DCDC1: variants seen among roughly 807,000 people sequenced by gnomAD.
The protein encoded by DCDC1 is doublecortin domain-containing protein 1.
Under a neutral mutation model 178.3 loss-of-function variants are expected in DCDC1, and 200 were observed. That is an observed-to-expected ratio of 1.12 (90% confidence interval 1.00 to 1.26). The LOEUF (loss-of-function observed/expected upper bound fraction) is 1.26. DCDC1 is among the 50% of genes most tolerant of loss of function. The pLI, the probability that DCDC1 is intolerant of heterozygous loss-of-function variation, is 0.00. For synonymous variants in DCDC1, 690 were observed against 604.8 expected (o/e 1.14, Z -2.07); for missense variants, 1,983 against 1,749.2 (o/e 1.13, Z -2.38).
intron 20 of DCDC1, among the ~76,000 whole-genome samples, chr11:31,061,009 T>C (rs1229462117): frequency 3.3e-5 from 5 of 152,146 alleles, no homozygotes; most frequent in Admixed American, 6.6e-5. Context: ...AGCTGCTCGC[T>C]TCCCTGGGAA....
rs1186085659 is a variant in DCDC1, at chr11:31,306,369, A to G, written c.454T>C (p.Leu152=). 2 of 1,609,320 alleles carry G rather than the reference A, an allele frequency of 1.2e-6. No individual in the cohort carries two copies. Among genetic ancestry groups the G allele is most frequent in the South Asian group, 2.2e-5 (2 of 90,022 alleles). ...CAATTCCGGGCTGACTGAAATTTTAAAGAAGAGAACTCTGCAACCCTGAAG... is the reference window on the plus strand; with the variant it reads ...CAATTCCGGGCTGACTGAAATTTTAGAGAAGAGAACTCTGCAACCCTGAAG... ...GQLRVAEFSS[L]KFQSARNWQK... is the part of the protein sequence containing the mutation. Residue 152 remains leucine, a synonymous_variant, in exon 5 of 39, where the codon TTA becomes CTA. Coordinates refer to ENST00000684477, the MANE Select transcript of DCDC1 (RefSeq NM_001387274.1).
intron 4 of DCDC1, among the ~76,000 whole-genome samples, chr11:31,306,918 C>T (rs1948499830): frequency 1.3e-5 from 2 of 152,016 alleles, no homozygotes. Flanking sequence ...TCAAACTGTT[C>T]GGAAGTGGTA....
At chr11:31,108,818 C>A (rs1163951350) in intron 12 of DCDC1, among the ~76,000 whole-genome samples, 1 of 152,122 alleles carries the variant, frequency 6.6e-6, no homozygotes, top group Admixed American at 6.6e-5. Context: ...CTGTGGCAAC[C>A]AAAAATTGTG....
intron 9 of DCDC1, among the ~76,000 whole-genome samples, chr11:31,219,903 G>C (rs1474771001): frequency 2.0e-5 from 3 of 152,090 alleles, no homozygotes; most frequent in Non-Finnish European, 4.4e-5. Flanking sequence ...ACAGGGGTTA[G>C]TTAACTTGCC....
chr11:31,073,424 G>A (rs934341198), intron 18 of DCDC1, among the ~76,000 whole-genome samples: 1 of 152,186 alleles, frequency 6.6e-6, no homozygotes, highest in Non-Finnish European at 1.5e-5. Context: ...ACTTGATTCT[G>A]CTTTTCTATG....
intron 20 of DCDC1, among the ~76,000 whole-genome samples, chr11:31,040,304 C>T (rs777351030): frequency 3.9e-5 from 6 of 152,150 alleles, no homozygotes; most frequent in Non-Finnish European, 7.4e-5. Flanking sequence ...TGTTTTTGCA[C>T]AATATTTGCA....
At chr11:31,117,932 G>A (rs762546884) in intron 11 of DCDC1, among the ~76,000 whole-genome samples, 24 of 152,114 alleles carry the variant, frequency 1.6e-4, no homozygotes, top group Middle Eastern at 3.4e-3. Flanking sequence ...ATATTTAATC[G>A]GGATTAAAAT....
At position 31,127,634 on chromosome 11, in the gene DCDC1, G is replaced by T. The variant is rs867513923; in HGVS notation, c.1320C>A (p.Ser440Arg). 1 of 702,286 alleles carries T rather than the reference G, an allele frequency of 1.4e-6. No homozygotes were observed. Among genetic ancestry groups the T allele is most frequent in the Admixed American group, 2.0e-5 (1 of 49,958 alleles). The allele number at this position is 702,286 out of a possible 1,614,324, so 43.5% of individuals were successfully genotyped here. ...CTGTCTGCAATTCATCAATCAGCCTGCTCACCTGAAGGGGTTAAATTACAA... is the reference window on the plus strand; with the variant it reads ...CTGTCTGCAATTCATCAATCAGCCTTCTCACCTGAAGGGGTTAAATTACAA... ...KEHHKEQEEV[S>R]RLIDELQTAI... is the part of the protein sequence containing the mutation. Residue 440 changes from serine to arginine, a missense_variant, in exon 11 of 39, where the codon AGC becomes AGA. Ser to Arg is a moderately radical substitution (Grantham distance 110). Coordinates refer to ENST00000684477, the MANE Select transcript of DCDC1 (RefSeq NM_001387274.1).
intron 20 of DCDC1, among the ~76,000 whole-genome samples, chr11:30,972,643 C>A (rs1949867799): frequency 6.6e-6 from 1 of 151,888 alleles, no homozygotes; most frequent in African/African-American, 2.4e-5. Flanking sequence ...AGAAACAAGG[C>A]TATACCAAAA....
intron 9 of DCDC1, among the ~76,000 whole-genome samples, chr11:31,179,047 T>C (rs1392859195): frequency 2.6e-5 from 4 of 152,022 alleles, no homozygotes; most frequent in Non-Finnish European, 4.4e-5. Flanking sequence ...AAAGAGAATA[T>C]AAAAACGGCT....
intron 5 of DCDC1, 37 bp from the exon 6 acceptor site, chr11:31,305,814 T>C: frequency 1.2e-6 from 2 of 1,601,380 alleles, no homozygotes; most frequent in Non-Finnish European, 1.7e-6. Context: ...AGTGATTTAC[T>C]ACAAAGAAAG....
Position 30,916,981 on chromosome 11 carries a change from A to AGTGT in DCDC1, c.3337_3340dup (p.Leu1114HisfsTer13). On this transcript the variant is annotated frameshift_variant, in exon 26 of 39. Transcript: ENST00000684477. LOFTEE classifies it high-confidence loss of function. ...AGTTTCCTGCCAGGCATACCTGGGA[A>AGTGT]GTGTGTGACAAGCCTTCATTCGAAG... 1 of 1,609,936 alleles carries AGTGT rather than the reference A, an allele frequency of 6.2e-7. No homozygotes were observed. Among genetic ancestry groups the AGTGT allele is most frequent in the Non-Finnish European group, 8.5e-7 (1 of 1,178,230 alleles).
intron 1 of DCDC1, among the ~76,000 whole-genome samples, chr11:31,361,407 G>A (rs1316477610): frequency 1.3e-5 from 2 of 152,138 alleles, no homozygotes; most frequent in South Asian, 2.1e-4. Flanking sequence ...ATTACATGTC[G>A]ATTACCAATA....
intron 20 of DCDC1, among the ~76,000 whole-genome samples, chr11:31,055,103 A>G (rs765092974): frequency 1.3e-5 from 2 of 152,196 alleles, no homozygotes; most frequent in African/African-American, 2.4e-5. Context: ...CAAAAGATTA[A>G]TATCCAGAAT....
At chr11:30,925,199 G>T in intron 23 of DCDC1, 110 bp downstream of exon 23, 1 of 946,730 alleles carries the variant, frequency 1.1e-6, no homozygotes, top group Non-Finnish European at 1.6e-6. Flanking sequence ...AATTCTGAGA[G>T]AAAATAAGAA....
chr11:31,178,541 GC>G (rs1469930041), intron 9 of DCDC1, among the ~76,000 whole-genome samples: 1 of 152,070 alleles, frequency 6.6e-6, no homozygotes, highest in Non-Finnish European at 1.5e-5. Flanking sequence ...AAACTAAAAA[GC>G]TTTTCCACAG....
intron 20 of DCDC1, among the ~76,000 whole-genome samples, chr11:31,029,408 G>T (rs1186127002): frequency 1.3e-5 from 2 of 151,998 alleles, no homozygotes; most frequent in Non-Finnish European, 2.9e-5. Flanking sequence ...GCTCTTTAAA[G>T]AAAGGTATCT....
At chr11:31,309,698 T>G (rs1948657848) in intron 3 of DCDC1, among the ~76,000 whole-genome samples, 1 of 152,162 alleles carries the variant, frequency 6.6e-6, no homozygotes, top group Admixed American at 6.5e-5. Context: ...AATGAATGTA[T>G]TTTTTTCATT....
At chr11:31,341,974 G>A (rs1029861470) in intron 1 of DCDC1, among the ~76,000 whole-genome samples, 1 of 152,198 alleles carries the variant, frequency 6.6e-6, no homozygotes, top group Admixed American at 6.5e-5. Context: ...AATAGCGCCT[G>A]TCAGGTGATG....
Sources: gnomAD v4.1 joint callset for allele counts (sites outside exome capture counted in the v4.1 genomes callset) on GRCh38, gnomAD v4.1.1 for gene constraint, MANE v1.5 for transcripts, NCBI Gene and HGNC (gene_info 2026-07-23, HGNC 2026-07-21) for gene names.